Variants in KSR2 observed in about 807,000 individuals in gnomAD.
KSR2 encodes kinase suppressor of ras 2.
In KSR2, 25 loss-of-function variants were observed where a neutral mutation model predicts 107.8. The observed-to-expected ratio is 0.23, with a 90% CI of 0.17 to 0.32. The LOEUF is 0.32. KSR2 is among the 10% of genes least tolerant of loss of function. The probability of loss-of-function intolerance (pLI) is 1.00; values close to 1 mark genes in which losing one functional copy is unlikely to be tolerated. For missense variants in KSR2, 887 were observed against 1,268.9 expected, an observed-to-expected ratio of 0.70 and a Z score of 4.57; for synonymous variants, 480 against 507.0, an observed-to-expected ratio of 0.95 and a Z score of 0.71.
intron 1 of KSR2, among the ~76,000 whole-genome samples, chr12:117,942,716 T>C (rs1364234922): frequency 6.6e-6 from 1 of 151,402 alleles, no homozygotes; most frequent in Non-Finnish European, 1.5e-5. Context: ...TCCAAGTTGG[T>C]CTCGAACTCC....
rs772399492 is a variant in KSR2 at position 117,508,255 on chromosome 12, C to A, written c.2219+16597G>T. ...CTAAACACGTGATACCAGAATGATG[C>A]TGACCACAGCCTTCCCATGCTACTG... is the stretch of plus-strand genomic sequence containing the variant. On this transcript the variant is annotated intron_variant, in intron 14 of 19. Coordinates refer to ENST00000339824, the MANE Select transcript of KSR2 (RefSeq NM_173598.6). 2.0e-5 allele frequency among the ~76,000 whole-genome samples: 3 copies of A among 152,194 alleles called. No individual in the cohort carries two copies. In the South Asian group the frequency reaches 6.2e-4, roughly 31 times the overall value.
At position 117,464,950 on chromosome 12, in the gene KSR2, A is replaced by G. The variant is rs1256413826; in HGVS notation, c.*2249T>C. On this transcript the variant is annotated 3_prime_UTR_variant, in exon 20 of 20. Coordinates refer to ENST00000339824, the MANE Select transcript of KSR2 (RefSeq NM_173598.6). ...GGTTGGACATTTTAGTTAATTCTGG[A>G]AACAAGAGAGGCAAGAGTGAGAAGG... 6.6e-6 allele frequency: 1 copy of G among 152,264 alleles called. No individual in the cohort carries two copies. The highest frequency in any genetic ancestry group is 2.1e-4 in the South Asian group (1 of 4,828). 9.4% of individuals were successfully genotyped at this position (152,264 alleles called of 1,614,324 possible).
At chr12:117,917,657 C>T (rs1895223170) in intron 1 of KSR2, among the ~76,000 whole-genome samples, 1 of 152,174 alleles carries the variant, frequency 6.6e-6, no homozygotes, top group South Asian at 2.1e-4. Flanking sequence ...GTTGCCCAGG[C>T]TGGTCTTAAA....
At chr12:117,735,633 C>T (rs1462176862) in intron 4 of KSR2, among the ~76,000 whole-genome samples, 1 of 152,038 alleles carries the variant, frequency 6.6e-6, no homozygotes, top group Non-Finnish European at 1.5e-5. Context: ...TGTATCATTC[C>T]GCTTGTGGTA....
At chr12:117,796,701 A>T (rs1213395781) in intron 3 of KSR2, among the ~76,000 whole-genome samples, 1 of 152,208 alleles carries the variant, frequency 6.6e-6, no homozygotes, top group East Asian at 1.9e-4. Flanking sequence ...TAAACGTGCC[A>T]GGAAGGGCTC....
Position 117,897,382 on chromosome 12 carries a change from A to G in KSR2, c.181-36951T>C, listed in dbSNP as rs1381065533. ...TCTGAGATCTCGGCTTCTTTTAAGA[A>G]AAAAAGAAAGCGCTCCAGCCTACCC... is the stretch of plus-strand genomic sequence containing the variant. On this transcript the variant is annotated intron_variant, in intron 1 of 19. Transcript: ENST00000339824. This position sits in a 1 kb window ranked among gnomAD's most constrained non-coding sequence, Gnocchi z 4.5. Among the ~76,000 whole-genome samples, 4 of 152,262 alleles carry G rather than the reference A, an allele frequency of 2.6e-5. No homozygotes were observed. Among genetic ancestry groups the G allele is most frequent in the Non-Finnish European group, 4.4e-5 (3 of 68,020 alleles).
intron 14 of KSR2, among the ~76,000 whole-genome samples, chr12:117,492,380 T>A (rs1290156140): frequency 6.8e-6 from 1 of 147,576 alleles, no homozygotes; most frequent in African/African-American, 2.6e-5. Context: ...GTGGCAGCCA[T>A]GTCCTTTCCC....
At chr12:117,503,731 G>C (rs1008755213) in intron 14 of KSR2, among the ~76,000 whole-genome samples, 1 of 152,190 alleles carries the variant, frequency 6.6e-6, no homozygotes, top group Non-Finnish European at 1.5e-5. Flanking sequence ...ATGCAAAGAG[G>C]TTGGATCATT....
At chr12:117,875,027 G>A (rs1230824306) in intron 1 of KSR2, among the ~76,000 whole-genome samples, 1 of 152,118 alleles carries the variant, frequency 6.6e-6, no homozygotes, top group Non-Finnish European at 1.5e-5. Context: ...ACACCAGGGG[G>A]CAGCCTGGCA....
intron 1 of KSR2, among the ~76,000 whole-genome samples, chr12:117,942,519 T>C (rs560683310): frequency 1.3e-5 from 2 of 150,784 alleles, no homozygotes; most frequent in Admixed American, 1.3e-4. Flanking sequence ...GACAGGGTCT[T>C]GCTCTGTCAC....
At chr12:117,835,853 C>T (rs1210205469) in intron 3 of KSR2, among the ~76,000 whole-genome samples, 1 of 151,932 alleles carries the variant, frequency 6.6e-6, no homozygotes, top group African/African-American at 2.4e-5. Flanking sequence ...AATTGGAGAC[C>T]ACCAAGAAAA....
chr12:117,482,752 T>C (rs754948902), intron 16 of KSR2, among the ~76,000 whole-genome samples: 118 of 152,360 alleles, frequency 7.7e-4, no homozygotes, highest in Admixed American at 1.9e-3. Context: ...TCAGAGGTCC[T>C]GCACCCCTTT....
intron 7 of KSR2, among the ~76,000 whole-genome samples, chr12:117,578,336 G>A (rs1182951728): frequency 1.3e-5 from 2 of 152,128 alleles, no homozygotes; most frequent in African/African-American, 4.8e-5. Context: ...GCTCCCGCCT[G>A]CAATCCCAAC....
intron 1 of KSR2, among the ~76,000 whole-genome samples, chr12:117,953,828 C>T (rs1896434147): frequency 6.6e-6 from 1 of 152,172 alleles, no homozygotes; most frequent in Non-Finnish European, 1.5e-5. Context: ...TGACTCATGC[C>T]TGTAATTCCC....
chr12:117,700,390 T>C (rs1389235772), intron 4 of KSR2, among the ~76,000 whole-genome samples: 4 of 152,122 alleles, frequency 2.6e-5, no homozygotes, highest in Non-Finnish European at 5.9e-5. Context: ...CACCTACGCA[T>C]TCCATGTGAC....
In KSR2 at chr12:117,968,360, T is replaced by C. The variant is rs1896862607; in HGVS notation, c.-105A>G. ...CCGCCTCTCCAACCACTGCGACTTC[T>C]CAACAATGTCTCATGAAGAAGAAAT... On this transcript the variant is annotated 5_prime_UTR_variant, in exon 1 of 20. The change abolishes the stop of an existing upstream ORF in the 5' untranslated region. Coordinates refer to ENST00000339824, the MANE Select transcript of KSR2 (RefSeq NM_173598.6). 3.6e-6 allele frequency: 5 copies of C among 1,398,066 alleles called. No homozygotes were observed. The highest frequency in any genetic ancestry group is 4.6e-6 in the Non-Finnish European group (5 of 1,083,236). The allele number at this position is 1,398,066 out of a possible 1,614,324, so 86.6% of individuals were successfully genotyped here. A position where few individuals can be genotyped will look rare whatever the true frequency, so the allele number is the denominator to read the frequency against.
intron 4 of KSR2, among the ~76,000 whole-genome samples, chr12:117,714,451 G>T (rs1217004224): frequency 6.6e-6 from 1 of 152,214 alleles, no homozygotes; most frequent in Admixed American, 6.5e-5. Context: ...AAAGGAAGAG[G>T]AGGAGAGGAG....
chr12:117,887,518 C>T (rs553972233), intron 1 of KSR2, among the ~76,000 whole-genome samples: 42 of 152,266 alleles, frequency 2.8e-4, no homozygotes, highest in Non-Finnish European at 5.4e-4. Flanking sequence ...GGTGGAACCA[C>T]GTGGAGCAGA....
At chr12:117,804,168 G>A (rs189579663) in intron 3 of KSR2, among the ~76,000 whole-genome samples, 10 of 152,058 alleles carry the variant, frequency 6.6e-5, no homozygotes, top group East Asian at 1.9e-4. Flanking sequence ...CTCGGCCTCC[G>A]GAGTAGCTGG....
Sources: allele counts gnomAD v4.1 joint callset (sites outside exome capture counted in the v4.1 genomes callset), GRCh38; gene constraint gnomAD v4.1.1; non-coding constraint Gnocchi (gnomAD v3.1); transcripts MANE v1.5; gene names NCBI Gene and HGNC (gene_info 2026-07-23, HGNC 2026-07-21).